Variants in TGFBRAP1 observed in about 807,000 individuals in gnomAD.
TGFBRAP1 encodes the protein transforming growth factor beta receptor associated protein 1.
In TGFBRAP1, 20 loss-of-function variants were observed where a neutral mutation model predicts 83.2. The observed-to-expected ratio is 0.24, with a 90% CI of 0.17 to 0.35. The LOEUF is 0.35. Among genes scored for constraint, TGFBRAP1 ranks in the 10% least tolerant of loss-of-function variants. The probability of loss-of-function intolerance (pLI) is 1.00; values close to 1 mark genes in which losing one functional copy is unlikely to be tolerated. For synonymous variants in TGFBRAP1, 415 were observed against 459.8 expected (o/e 0.90, Z 1.25); for missense variants, 950 against 1,099.4 (o/e 0.86, Z 1.92).
chr2:105,271,721 G>A (rs550083153), intron 10 of TGFBRAP1, among the ~76,000 whole-genome samples: 86 of 152,296 alleles, frequency 5.6e-4, no homozygotes, highest in Non-Finnish European at 9.7e-4. Flanking sequence ...GGCATATCTA[G>A]TCAATCCTCA....
rs753075026 is a variant in TGFBRAP1, at chr2:105,275,660, C to A, written c.1565G>T (p.Arg522Leu). ...CACGATGTATTCATACAGGTCTGAG[C>A]GTGTGGAGTCCTGGACATCGCCATT... is the stretch of plus-strand genomic sequence containing the variant. Reference protein sequence around the residue: ...IVNGDVQDSTRSDLYEYIVDF... With the variant: ...IVNGDVQDSTLSDLYEYIVDF... The change falls in exon 8 of 12, where the codon CGC becomes CTC. Residue 522 changes from arginine to leucine, a missense_variant. By Grantham distance (102) the Arg-to-Leu change is moderately radical. Transcript: ENST00000393359. 1 of 1,613,954 alleles carries A rather than the reference C, an allele frequency of 6.2e-7. No homozygotes were observed. Among genetic ancestry groups the A allele is most frequent in the Non-Finnish European group, 8.5e-7 (1 of 1,180,006 alleles).
At chr2:105,304,660 A>G (rs1348414183) in intron 2 of TGFBRAP1, among the ~76,000 whole-genome samples, 1 of 152,174 alleles carries the variant, frequency 6.6e-6, no homozygotes, top group Non-Finnish European at 1.5e-5. Flanking sequence ...GCACATGCCT[A>G]TAGTCCCAGC....
intron 3 of TGFBRAP1, 64 bp downstream of exon 3, chr2:105,298,447 T>C: frequency 6.6e-7 from 1 of 1,504,102 alleles, no homozygotes; most frequent in Non-Finnish European, 9.0e-7. Context: ...TAAATGATAT[T>C]TACCGAAGAA....
At chr2:105,299,309 T>C (rs1170870685) in intron 2 of TGFBRAP1, among the ~76,000 whole-genome samples, 1 of 151,632 alleles carries the variant, frequency 6.6e-6, no homozygotes. Context: ...AAAATAAAAA[T>C]GAGGTTAAAA....
intron 4 of TGFBRAP1, among the ~76,000 whole-genome samples, chr2:105,292,333 C>T (rs138100683): frequency 7.9e-5 from 12 of 152,264 alleles, no homozygotes; most frequent in African/African-American, 1.4e-4. Flanking sequence ...GACTGCCTTC[C>T]GGGTATCAGC....
chr2:105,319,545 A>C (rs1678992230), intron 1 of TGFBRAP1, among the ~76,000 whole-genome samples: 1 of 150,008 alleles, frequency 6.7e-6, no homozygotes, highest in Non-Finnish European at 1.5e-5. Context: ...TACAAAAATT[A>C]GTTGGGTGTG....
the TGFBRAP1 span, among the ~76,000 whole-genome samples, chr2:105,258,324 T>C: frequency 2.0e-5 from 3 of 152,178 alleles, no homozygotes; most frequent in Admixed American, 2.0e-4. Flanking sequence ...AAACATTCTT[T>C]CTGGGTGCCT....
downstream of TGFBRAP1, among the ~76,000 whole-genome samples, chr2:105,262,874 G>A (rs1676822496): frequency 6.6e-6 from 1 of 152,192 alleles, no homozygotes; most frequent in African/African-American, 2.4e-5. Context: ...AGCCTTGGAC[G>A]GTGCTCCAGC....
intron 1 of TGFBRAP1, among the ~76,000 whole-genome samples, chr2:105,322,865 A>G (rs1232422237): frequency 6.6e-6 from 1 of 152,222 alleles, no homozygotes; most frequent in African/African-American, 2.4e-5. Context: ...AACCAAACCT[A>G]TAAGTGAACT....
At chr2:105,303,582 A>T in intron 2 of TGFBRAP1, among the ~76,000 whole-genome samples, 1 of 152,240 alleles carries the variant, frequency 6.6e-6, no homozygotes, top group East Asian at 1.9e-4. Flanking sequence ...GTTTATAATG[A>T]TACTTTTCAG....
At chr2:105,302,886 A>G (rs10206376) in intron 2 of TGFBRAP1, among the ~76,000 whole-genome samples, 1 of 152,230 alleles carries the variant, frequency 6.6e-6, no homozygotes, top group Non-Finnish European at 1.5e-5. Context: ...TTTAAAACAC[A>G]GTAATTTGAC....
chr2:105,328,692 G>A (rs554450636), intron 1 of TGFBRAP1, among the ~76,000 whole-genome samples: 23 of 152,198 alleles, frequency 1.5e-4, no homozygotes, highest in Non-Finnish European at 2.9e-4. Context: ...GATAGACAAG[G>A]TGCTTGCCCA....
chr2:105,316,462 T>TGTGTGTGTGTGTGTGTGCGCGC (rs1177329674), intron 1 of TGFBRAP1, among the ~76,000 whole-genome samples: 2 of 84,814 alleles, frequency 2.4e-5, no homozygotes, highest in African/African-American at 5.4e-5. Context: ...TGTGTGTGTG[T>TGTGTGTGTGTGTGTGTGCGCGC]GCGCGCGCGC....
intron 4 of TGFBRAP1, among the ~76,000 whole-genome samples, chr2:105,292,785 T>C (rs1677956648): frequency 1.3e-5 from 2 of 152,214 alleles, no homozygotes; most frequent in Non-Finnish European, 2.9e-5. Context: ...TTTGTTTTAC[T>C]GATTTGACTT....
At position 105,321,176 on chromosome 2, in the gene TGFBRAP1, T is replaced by TTA. The variant is rs1196479151; in HGVS notation, c.-18+8448_-18+8449insTA. Among the ~76,000 whole-genome samples, 617 of 151,960 alleles carry TTA rather than the reference T, an allele frequency of 4.1e-3. 7 individuals are homozygous for TTA. The highest frequency in any genetic ancestry group is 0.035 in the South Asian group (168 of 4,820). ...GACTTATTTATTTATTTATTTTTTT[T>TTA]TTTTTTGAGATGGAGTCTCTTGCTT... is the stretch of plus-strand genomic sequence containing the variant. On this transcript the variant is annotated intron_variant, in intron 1 of 11. Transcript: ENST00000393359.
chr2:105,274,903 C>T (rs1441948102), intron 8 of TGFBRAP1, among the ~76,000 whole-genome samples: 2 of 152,232 alleles, frequency 1.3e-5, no homozygotes, highest in African/African-American at 4.8e-5. Context: ...ACGTTTTTCA[C>T]GATGAGAACT....
At chr2:105,251,271 G>T in the TGFBRAP1 span, among the ~76,000 whole-genome samples, 1 of 138,776 alleles carries the variant, frequency 7.2e-6, no homozygotes, top group Non-Finnish European at 1.5e-5. Flanking sequence ...GCTGCCCATC[G>T]TCTGGGATGT....
chr2:105,328,693 T>C (rs1679288032), intron 1 of TGFBRAP1, among the ~76,000 whole-genome samples: 2 of 152,222 alleles, frequency 1.3e-5, no homozygotes, highest in Admixed American at 1.3e-4. Flanking sequence ...ATAGACAAGG[T>C]GCTTGCCCAT....
intron 7 of TGFBRAP1, among the ~76,000 whole-genome samples, chr2:105,276,766 C>A (rs1261497798): frequency 6.6e-6 from 1 of 152,136 alleles, no homozygotes; most frequent in Non-Finnish European, 1.5e-5. Context: ...GTTAATTCAC[C>A]CAACTCCATT....
Sources: gnomAD v4.1 joint callset for allele counts (sites outside exome capture counted in the v4.1 genomes callset) on GRCh38, gnomAD v4.1.1 for gene constraint, MANE v1.5 for transcripts, NCBI Gene and HGNC (gene_info 2026-07-23, HGNC 2026-07-21) for gene names.